Variants in TTN observed in about 807,000 individuals in gnomAD.
TTN encodes the protein titin.
TTN carries 1,525 observed loss-of-function variants against 3,223.0 expected under a neutral mutation model. The observed-to-expected ratio is 0.47, with a 90% CI of 0.45 to 0.49. TTN has a LOEUF of 0.49. Among genes scored for constraint, TTN ranks in the 20% least tolerant of loss-of-function variants. The probability of loss-of-function intolerance (pLI) is 0.00; values close to 1 mark genes in which losing one functional copy is unlikely to be tolerated. For synonymous variants in TTN, 14,094 were observed against 15,161.0 expected, an observed-to-expected ratio of 0.93 and a Z score of 5.17; for missense variants, 40,786 against 43,424.0, an observed-to-expected ratio of 0.94 and a Z score of 5.40.
chr2:178,793,327 T>A (rs2093610714), intron 9 of TTN, 77 bp downstream of exon 9: 1 of 1,562,314 alleles, frequency 6.4e-7, no homozygotes, highest in African/African-American at 1.4e-5. Flanking sequence ...GGAACAACAC[T>A]CTTCATGGTA....
rs1416294540 is a variant in TTN, at chr2:178,679,886, T to G, written c.33580+8A>C. ...GTTGCACAGCCCTTTGCAGGAGGCATCATCTACCTTTGACTGGTATCACTG... is the reference window on the plus strand; with the variant it reads ...GTTGCACAGCCCTTTGCAGGAGGCAGCATCTACCTTTGACTGGTATCACTG... On this transcript the variant is annotated splice_region_variant and intron_variant, in intron 140 of 362. Transcript: ENST00000589042. 2.5e-6 allele frequency: 4 copies of G among 1,612,600 alleles called. No individual in the cohort carries two copies. Among genetic ancestry groups the G allele is most frequent in the South Asian group, 1.1e-5 (1 of 90,788 alleles).
chr2:178,804,572 GT>G lies in TTN; in HGVS notation c.70del (p.Thr24ProfsTer14), dbSNP rs2094225262. On this transcript the variant is annotated frameshift_variant, in exon 2 of 363. Transcript: ENST00000589042. LOFTEE classifies it high-confidence loss of function. ...SVVVLEGSTATFEAHISGFPV... is the reference protein window; with the variant it reads ...SVVVLEGSTAXFEAHISGFPV... ...CTTACCACTAATGTGAGCCTCAAAG[GT>G]TGCGGTACTACCCTCCAGTACCACA... 6.2e-7 allele frequency: 1 copy of G among 1,613,866 alleles called. No homozygotes were observed. The highest frequency in any genetic ancestry group is 1.3e-5 in the African/African-American group (1 of 74,906).
At position 178,614,694 on chromosome 2, in the gene TTN, T is replaced by C; in HGVS notation, c.48820A>G (p.Thr16274Ala). 6.2e-7 allele frequency: 1 copy of C among 1,612,184 alleles called. No individual in the cohort carries two copies. Among genetic ancestry groups the C allele is most frequent in the Non-Finnish European group, 8.5e-7 (1 of 1,179,000 alleles). ...LLAGLTVKAGTKIELPATVTG... is the reference protein window; with the variant it reads ...LLAGLTVKAGAKIELPATVTG... ...ACGGTGGCAGGAAGTTCAATCTTGG[T>C]CCCAGCTTTTACAGTGAGACCAGCA... Residue 16274 changes from threonine to alanine, a missense_variant, in exon 261 of 363, where the codon ACC becomes GCC. Transcript: ENST00000589042.
intron 47 of TTN, chr2:178,752,043 G>T: frequency 3.6e-6 from 5 of 1,399,248 alleles, no homozygotes; most frequent in Non-Finnish European, 4.8e-6. Context: ...AATAATTCTG[G>T]AAAAAAAAAA....
At chr2:178,559,264 G>C in intron 326 of TTN, 47 bp downstream of exon 326, 1 of 1,495,884 alleles carries the variant, frequency 6.7e-7, no homozygotes, top group South Asian at 1.4e-5. Flanking sequence ...CACTATTCTA[G>C]CAAAATTAAC....
At chr2:178,556,452 AAAC>A (rs1701504321) in intron 330 of TTN, 12 of 219,878 alleles carry the variant, frequency 5.5e-5, no homozygotes, top group South Asian at 1.4e-4. Flanking sequence ...ACAAACAAAC[AAAC>A]AAAAAAAAAA....
intron 308 of TTN, 75 bp downstream of exon 308, chr2:178,586,430 G>T: frequency 1.3e-6 from 2 of 1,543,316 alleles, no homozygotes; most frequent in African/African-American, 1.4e-5. Flanking sequence ...ATTCCTCAGG[G>T]AGAAATGTCT....
intron 127 of TTN, among the ~76,000 whole-genome samples, chr2:178,686,472 C>A (rs985509778): frequency 6.6e-6 from 1 of 151,808 alleles, no homozygotes; most frequent in Non-Finnish European, 1.5e-5. Context: ...GGCTAAAATG[C>A]AGTGGTGTAA....
In TTN at chr2:178,767,866, A is replaced by T; in HGVS notation, c.9364T>A (p.Ser3122Thr). The part of the protein sequence containing the change: ...HRLLIPSTRM[S>T]DAGKYTVVAG... ...ACCACTGTGTACTTCCCAGCATCAG[A>T]CATCCGGGTGGATGGGATCAGAAGG... is the stretch of plus-strand genomic sequence containing the variant. Residue 3122 changes from serine (S) to threonine (T), a missense_variant, in exon 40 of 363, where the codon TCT (serine) becomes ACT (threonine). Physicochemically the swap from Ser to Thr is moderately conservative, Grantham distance 58. Coordinates refer to ENST00000589042, the MANE Select transcript of TTN (RefSeq NM_001267550.2). The T allele has an allele frequency of 6.2e-7, 1 of 1,614,124 alleles. No homozygotes were observed. Among genetic ancestry groups the T allele is most frequent in the Non-Finnish European group, 8.5e-7 (1 of 1,180,006 alleles).
chr2:178,725,442 T>C lies in TTN; in HGVS notation c.20762A>G (p.Asn6921Ser). 1 of 1,612,766 alleles carries C rather than the reference T, an allele frequency of 6.2e-7. No individual in the cohort carries two copies. Among genetic ancestry groups the C allele is most frequent in the Non-Finnish European group, 8.5e-7 (1 of 1,179,328 alleles). The stretch of plus-strand genomic sequence containing the variant: ...GATTTGGCAGATATACTTTCCAGCA[T>C]TAGCTGGCTCTGCTTTTGCAAACTG... Reference protein sequence around the residue: ...TLQFAKAEPANAGKYICQIKN... With the variant: ...TLQFAKAEPASAGKYICQIKN... Residue 6921 changes from asparagine (N) to serine (S), a missense_variant, in exon 71 of 363, where the codon AAT (asparagine) becomes AGT (serine). Physicochemically the swap from Asn to Ser is conservative, Grantham distance 46. Coordinates refer to ENST00000589042, the MANE Select transcript of TTN (RefSeq NM_001267550.2).
In TTN at chr2:178,568,905, C is replaced by G; in HGVS notation, c.77227G>C (p.Glu25743Gln). 1 of 1,613,290 alleles carries G rather than the reference C, an allele frequency of 6.2e-7. No individual in the cohort carries two copies. The highest frequency in any genetic ancestry group is 8.5e-7 in the Non-Finnish European group (1 of 1,179,564). Residue 25743 changes from glutamate to glutamine, a missense_variant, in exon 326 of 363, where the codon GAG becomes CAG. By Grantham distance (29) the Glu-to-Gln change is conservative. Transcript: ENST00000589042. Reference protein sequence around the residue: ...YIVEMQAKHSEKWSECARVKS... With the variant: ...YIVEMQAKHSQKWSECARVKS... Reference sequence around the variant, plus strand: ...ACTCGAGCACACTCTGACCATTTCTCACTGTGTTTAGCTTGCATTTCCACA... The same window carrying G: ...ACTCGAGCACACTCTGACCATTTCTGACTGTGTTTAGCTTGCATTTCCACA...
rs1553703542 is a variant in TTN at position 178,614,635 on chromosome 2, T to A, written c.48879A>T (p.Thr16293=). 4 of 1,612,400 alleles carry A rather than the reference T, an allele frequency of 2.5e-6. No homozygotes were observed. The highest frequency in any genetic ancestry group is 3.4e-6 in the Non-Finnish European group (4 of 1,179,184). The change falls in exon 261 of 363, where the codon ACA becomes ACT. Residue 16293 remains threonine (T), a synonymous_variant. Transcript: ENST00000589042. ...TGKPEPKITW[T]KADMILKQDK... Reference sequence around the variant, plus strand: ...CCTGCTTCAGAATCATATCAGCCTTTGTCCAAGTTATTTTAGGTTCAGGTT... The same window carrying A: ...CCTGCTTCAGAATCATATCAGCCTTAGTCCAAGTTATTTTAGGTTCAGGTT...
At position 178,572,307 on chromosome 2, in the gene TTN, C is replaced by G. The variant is rs55762754; in HGVS notation, c.73825G>C (p.Glu24609Gln). The change falls in exon 326 of 363, where the codon GAA (glutamate) becomes CAA (glutamine). Residue 24609 changes from glutamate to glutamine, a missense_variant. Coordinates refer to ENST00000589042, the MANE Select transcript of TTN (RefSeq NM_001267550.2). Reference protein sequence around the residue: ...YGIGLPAETAESVKASERPLP... With the variant: ...YGIGLPAETAQSVKASERPLP... Reference sequence around the variant, plus strand: ...GGTCGTTCTGATGCTTTCACAGATTCTGCGGTTTCAGCAGGCAGCCCAATG... The same window carrying G: ...GGTCGTTCTGATGCTTTCACAGATTGTGCGGTTTCAGCAGGCAGCCCAATG... 4,746 of 1,611,664 alleles carry G rather than the reference C, an allele frequency of 2.9e-3. 14 individuals are homozygous for G. Among genetic ancestry groups the G allele is most frequent in the Non-Finnish European group, 3.0e-3 (3,568 of 1,178,096 alleles).
chr2:178,722,011 T>A lies in TTN; in HGVS notation c.22652A>T (p.Asp7551Val). ...TCCTCCAGGACGGATCTCCTTGTTA[T>A]CTTTTGACCAAGTGATTCGCATCGG... ...AQPMRITWSK[D>V]NKEIRPGGNY... is the part of the protein sequence containing the mutation. The change falls in exon 78 of 363, where the codon GAT becomes GTT. Residue 7551 changes from aspartate (D) to valine (V), a missense_variant. By Grantham distance (152) the Asp-to-Val change is radical. Coordinates refer to ENST00000589042, the MANE Select transcript of TTN (RefSeq NM_001267550.2). The A allele has an allele frequency of 6.2e-7, 1 of 1,613,558 alleles. No individual in the cohort carries two copies. The highest frequency in any genetic ancestry group is 1.3e-5 in the African/African-American group (1 of 75,028).
chr2:178,722,959 T>G (rs755104672), intron 75 of TTN, 22 bp from the exon 76 acceptor site: 8 of 1,600,396 alleles, frequency 5.0e-6, no homozygotes, highest in Non-Finnish European at 6.8e-6. Context: ...AGGCTCACAG[T>G]TAGCAACTGG....
chr2:178,635,259 T>A lies in TTN; in HGVS notation c.41930A>T (p.Tyr13977Phe). 1.2e-6 allele frequency: 2 copies of A among 1,613,362 alleles called. No homozygotes were observed. Among genetic ancestry groups the A allele is most frequent in the Non-Finnish European group, 1.7e-6 (2 of 1,179,534 alleles). ...ATCAAAGCTTGCACTTTCTTTCTCATAAATGGTAACGTCCTCTATTGGTTT... is the reference window on the plus strand; with the variant it reads ...ATCAAAGCTTGCACTTTCTTTCTCAAAAATGGTAACGTCCTCTATTGGTTT... The part of the protein sequence containing the change: ...LLKPIEDVTI[Y>F]EKESASFDAE... Residue 13977 changes from tyrosine to phenylalanine, a missense_variant, in exon 228 of 363, where the codon TAT (tyrosine) becomes TTT (phenylalanine). Coordinates refer to ENST00000589042, the MANE Select transcript of TTN (RefSeq NM_001267550.2).
In TTN at chr2:178,800,781, AC is replaced by A; in HGVS notation, c.296-100del. ...GCTCCAATTCCAAAACCAGGTGATG[AC>A]TCGCCAATCTAAACATCCTTGAATG... On this transcript the variant is annotated intron_variant, in intron 3 of 362. Transcript: ENST00000589042. 2.9e-6 allele frequency: 4 copies of A among 1,361,926 alleles called. No individual in the cohort carries two copies. The South Asian group carries it at 5.9e-5, about 20-fold the overall frequency. 84.4% of individuals were successfully genotyped at this position (1,361,926 alleles called of 1,614,324 possible).
chr2:178,606,932 G>T, intron 278 of TTN, 89 bp downstream of exon 278: 1 of 1,432,286 alleles, frequency 7.0e-7, no homozygotes. Flanking sequence ...TTTTGAGACT[G>T]TTGGGAGTTT....
chr2:178,756,174 A>C, intron 46 of TTN, 48 bp downstream of exon 46: 1 of 1,379,062 alleles, frequency 7.3e-7, no homozygotes, highest in Non-Finnish European at 1.0e-6. Flanking sequence ...AAGCTGCATA[A>C]AGCGATGAGG....
Sources: allele counts gnomAD v4.1 joint callset (sites outside exome capture counted in the v4.1 genomes callset), GRCh38; gene constraint gnomAD v4.1.1; transcripts MANE v1.5; gene names NCBI Gene and HGNC (gene_info 2026-07-23, HGNC 2026-07-21).